Variants in BICC1 observed in about 807,000 individuals in gnomAD.
The protein encoded by BICC1 is BicC family RNA binding protein 1, also known as protein bicaudal C homolog 1.
Under a neutral mutation model 111.0 loss-of-function variants are expected in BICC1, and 43 were observed. The ratio of observed to expected loss-of-function variants is 0.39; its 90% CI spans 0.30 to 0.50. BICC1 has a LOEUF of 0.50. Among genes scored for constraint, BICC1 ranks in the 20% least tolerant of loss-of-function variants. The probability of loss-of-function intolerance (pLI) is 0.88; values close to 1 mark genes in which losing one functional copy is unlikely to be tolerated. For synonymous variants in BICC1, 467 were observed against 434.4 expected (o/e 1.07, Z -0.93); for missense variants, 1,091 against 1,203.2 (o/e 0.91, Z 1.38).
chr10:58,533,288 T>C (rs1396805408), intron 1 of BICC1, among the ~76,000 whole-genome samples: 1 of 151,868 alleles, frequency 6.6e-6, no homozygotes, highest in Non-Finnish European at 1.5e-5. Flanking sequence ...GACTTCTTTT[T>C]GTCTTCTAAT....
intron 3 of BICC1, among the ~76,000 whole-genome samples, chr10:58,777,321 GAA>G (rs571662219): frequency 1.0e-3 from 152 of 152,072 alleles, no homozygotes; most frequent in Non-Finnish European, 1.2e-3. Flanking sequence ...TCCTGAAGTT[GAA>G]AAGTCAGTGG....
intron 1 of BICC1, among the ~76,000 whole-genome samples, chr10:58,536,091 A>G (rs1210931966): frequency 4.0e-5 from 6 of 151,776 alleles, no homozygotes. Flanking sequence ...AACTACCACT[A>G]GACCTAAGAA....
chr10:58,746,853 T>C (rs777912519), intron 3 of BICC1, among the ~76,000 whole-genome samples: 3 of 152,178 alleles, frequency 2.0e-5, no homozygotes, highest in Admixed American at 6.6e-5. Flanking sequence ...TCAGCTGATA[T>C]GTCAACAGCA....
chr10:58,823,946 A>G (rs1230098294), intron 20 of BICC1: 1 of 985,262 alleles, frequency 1.0e-6, no homozygotes, highest in Admixed American at 6.2e-5. Context: ...TTCTGGAGGA[A>G]CTTGAAACAA....
chr10:58,605,622 A>G (rs1323431533), intron 1 of BICC1, among the ~76,000 whole-genome samples: 1 of 152,252 alleles, frequency 6.6e-6, no homozygotes, highest in Non-Finnish European at 1.5e-5. Context: ...TAACCTGTGC[A>G]TATCCTCTGT....
rs1383259334 is a variant in BICC1, at chr10:58,513,269, C to T, written c.126C>T (p.His42=). ...ACTTGGTCGCCGGGGCGACCCTGCA[C>T]AGCCCGGAGTGGAGCGAGGAGCGCT... ...EDDLVAGATL[H]SPEWSEERFR... Residue 42 remains histidine, a synonymous_variant, in exon 1 of 21, where the codon CAC becomes CAT. Transcript: ENST00000373886. 8 of 1,613,116 alleles carry T rather than the reference C, an allele frequency of 5.0e-6. No homozygotes were observed. Among genetic ancestry groups the T allele is most frequent in the Non-Finnish European group, 6.8e-6 (8 of 1,179,574 alleles).
intron 2 of BICC1, among the ~76,000 whole-genome samples, chr10:58,678,125 C>G (rs1589008543): frequency 1.3e-5 from 2 of 152,288 alleles, no homozygotes; most frequent in Middle Eastern, 3.4e-3. Flanking sequence ...TAGGAAGAAA[C>G]TGCATCAACT....
chr10:58,522,594 G>T (rs936463483), intron 1 of BICC1, among the ~76,000 whole-genome samples: 2 of 152,066 alleles, frequency 1.3e-5, no homozygotes, highest in South Asian at 4.1e-4. Context: ...ATGCCCACAA[G>T]AGAAAGCAGG....
At chr10:58,533,396 G>A (rs1389421154) in intron 1 of BICC1, among the ~76,000 whole-genome samples, 1 of 151,764 alleles carries the variant, frequency 6.6e-6, no homozygotes, top group Non-Finnish European at 1.5e-5. Context: ...CACTTTTTTA[G>A]TGATGTACTA....
Position 58,620,839 on chromosome 10 carries a change from A to G in BICC1, c.191-16A>G. ...CATTGAAAAAGTATTTTAAATGTGCACATTTTTATTTACAGCTGCTGCTGA... is the reference window on the plus strand; with the variant it reads ...CATTGAAAAAGTATTTTAAATGTGCGCATTTTTATTTACAGCTGCTGCTGA... On this transcript the variant is annotated splice_polypyrimidine_tract_variant and intron_variant, in intron 1 of 20. Coordinates refer to ENST00000373886, the MANE Select transcript of BICC1 (RefSeq NM_001080512.3). The G allele has an allele frequency of 1.2e-6, 2 of 1,609,188 alleles. No individual in the cohort carries two copies. The highest frequency in any genetic ancestry group is 1.7e-6 in the Non-Finnish European group (2 of 1,178,712).
chr10:58,527,725 A>G (rs1397815808), intron 1 of BICC1, among the ~76,000 whole-genome samples: 1 of 152,030 alleles, frequency 6.6e-6, no homozygotes, highest in African/African-American at 2.4e-5. Flanking sequence ...CATAGACCAG[A>G]TGGTTGTAGA....
chr10:58,522,675 C>G (rs1842423344), intron 1 of BICC1, among the ~76,000 whole-genome samples: 1 of 151,990 alleles, frequency 6.6e-6, no homozygotes, highest in African/African-American at 2.4e-5. Context: ...CATTCAAAAG[C>G]TAGCAGAAGG....
intron 1 of BICC1, among the ~76,000 whole-genome samples, chr10:58,537,220 G>A (rs562365232): frequency 5.9e-5 from 9 of 151,844 alleles, no homozygotes; most frequent in Admixed American, 2.6e-4. Context: ...ATTCGACCCA[G>A]TCAGTATCAT....
intron 1 of BICC1, among the ~76,000 whole-genome samples, chr10:58,569,521 C>T (rs1393717223): frequency 6.6e-6 from 1 of 152,128 alleles, no homozygotes; most frequent in Non-Finnish European, 1.5e-5. Flanking sequence ...AGGTATTTCT[C>T]CTAATGCTAT....
intron 3 of BICC1, among the ~76,000 whole-genome samples, chr10:58,754,613 C>T (rs1221424856): frequency 6.6e-6 from 1 of 152,184 alleles, no homozygotes; most frequent in Non-Finnish European, 1.5e-5. Flanking sequence ...CCTCACACGG[C>T]AGGGAGCAGG....
intron 2 of BICC1, among the ~76,000 whole-genome samples, chr10:58,662,785 G>GT (rs1838884487): frequency 6.6e-6 from 1 of 152,132 alleles, no homozygotes; most frequent in African/African-American, 2.4e-5. Flanking sequence ...AGGAGATTTT[G>GT]TAACAATCTG....
At chr10:58,767,269 A>T (rs1842482798) in intron 3 of BICC1, among the ~76,000 whole-genome samples, 6 of 152,180 alleles carry the variant, frequency 3.9e-5, no homozygotes, top group Admixed American at 3.3e-4. Flanking sequence ...TAGGGAAAGC[A>T]AATGAAAGGC....
intron 3 of BICC1, among the ~76,000 whole-genome samples, chr10:58,709,778 C>T (rs956700653): frequency 2.7e-4 from 41 of 152,166 alleles, no homozygotes; most frequent in Admixed American, 1.3e-4. Flanking sequence ...GTGACTAAAC[C>T]TTCTTTAGTG....
intron 3 of BICC1, among the ~76,000 whole-genome samples, chr10:58,776,643 G>A (rs1842756205): frequency 6.6e-6 from 1 of 152,058 alleles, no homozygotes; most frequent in Non-Finnish European, 1.5e-5. Flanking sequence ...TTTGCCATGT[G>A]GGGTGTCTTG....
Sources: allele counts gnomAD v4.1 joint callset (sites outside exome capture counted in the v4.1 genomes callset), GRCh38; gene constraint gnomAD v4.1.1; transcripts MANE v1.5; gene names NCBI Gene and HGNC (gene_info 2026-07-23, HGNC 2026-07-21).